Variants in TENM2 observed in about 807,000 individuals in gnomAD.
TENM2 encodes teneurin transmembrane protein 2.
Under a neutral mutation model 245.2 loss-of-function variants are expected in TENM2, and 52 were observed. That is an observed-to-expected ratio of 0.21 (90% CI 0.17 to 0.27). The LOEUF (loss-of-function observed/expected upper bound fraction) is 0.27, where lower values mean the gene tolerates loss of function less well. Among genes scored for constraint, TENM2 ranks in the 10% least tolerant of loss-of-function variants. The pLI is 1.00. For missense variants in TENM2, 3,046 were observed against 3,666.8 expected, an observed-to-expected ratio of 0.83 and a Z score of 4.37; for synonymous variants, 1,363 against 1,438.9, an observed-to-expected ratio of 0.95 and a Z score of 1.19.
intron 2 of TENM2, among the ~76,000 whole-genome samples, chr5:167,532,779 TATATACAC>T (rs1322397820): frequency 2.7e-5 from 4 of 146,750 alleles, no homozygotes; most frequent in South Asian, 4.4e-4. Flanking sequence ...TATACACATA[TATATACAC>T]ATATACACAT....
At chr5:167,251,672 AT>A in the TENM2 span, among the ~76,000 whole-genome samples, 1 of 152,168 alleles carries the variant, frequency 6.6e-6, no homozygotes, top group Non-Finnish European at 1.5e-5. Context: ...TTACTAAGAG[AT>A]GGAAGACATC....
At chr5:167,104,138 C>T in the TENM2 span, among the ~76,000 whole-genome samples, 3 of 151,714 alleles carry the variant, frequency 2.0e-5, no homozygotes, top group Admixed American at 6.6e-5. Context: ...TTTTCATACC[C>T]ACTCTGCCTA....
At chr5:167,751,322 A>G (rs969628283) in intron 2 of TENM2, among the ~76,000 whole-genome samples, 8 of 152,212 alleles carry the variant, frequency 5.3e-5, no homozygotes, top group Non-Finnish European at 1.0e-4. Context: ...TTTGCCTGCC[A>G]TGTGAATAAA....
At chr5:167,695,810 G>A (rs1193843661) in intron 2 of TENM2, among the ~76,000 whole-genome samples, 48 of 151,568 alleles carry the variant, frequency 3.2e-4, no homozygotes, top group Non-Finnish European at 6.6e-4. Flanking sequence ...CGAGGTGGGC[G>A]GATCACGAGG....
At chr5:167,367,146 A>G (rs552635625) in intron 1 of TENM2, among the ~76,000 whole-genome samples, 3 of 152,274 alleles carry the variant, frequency 2.0e-5, no homozygotes, top group South Asian at 4.1e-4. Context: ...AGGAAAACCT[A>G]GGATACTGGA....
chr5:167,133,282 G>A, the TENM2 span, among the ~76,000 whole-genome samples: 58,712 of 152,014 alleles, frequency 0.39, 12,400 homozygotes, highest in East Asian at 0.6. Flanking sequence ...CCGGGGAGCC[G>A]TGCCACACAG....
At chr5:167,583,666 A>G (rs529945639) in intron 2 of TENM2, among the ~76,000 whole-genome samples, 1 of 152,290 alleles carries the variant, frequency 6.6e-6, no homozygotes, top group South Asian at 2.1e-4. Context: ...ACAACGCATA[A>G]TCTAGCAATT....
the TENM2 span, among the ~76,000 whole-genome samples, chr5:166,995,789 T>C: frequency 8.7e-6 from 1 of 114,472 alleles, no homozygotes; most frequent in African/African-American, 3.5e-5. Context: ...CACTCCAGCC[T>C]GGGCGACAGG....
Position 167,299,295 on chromosome 5 carries a change from A to G in TENM2, c.226+14232A>G, listed in dbSNP as rs567553979. On this transcript the variant is annotated intron_variant, in intron 1 of 28. Coordinates refer to ENST00000518659, the Ensembl canonical transcript of TENM2. ...GGTGGGAAGGCTAAACTGAGGAATT[A>G]TGTCTGACAGAAGGAAAGAAATGAC... Among the ~76,000 whole-genome samples the G allele has an allele frequency of 9.8e-5, 15 of 152,314 alleles. No homozygotes were observed. The East Asian group carries it at 2.7e-3, about 28-fold the overall frequency.
chr5:167,082,746 C>T, the TENM2 span, among the ~76,000 whole-genome samples: 1 of 151,790 alleles, frequency 6.6e-6, no homozygotes, highest in African/African-American at 2.4e-5. Flanking sequence ...TTTTATTAGC[C>T]AATAGTTTCT....
intron 2 of TENM2, among the ~76,000 whole-genome samples, chr5:167,463,033 T>A (rs1001783160): frequency 9.2e-5 from 14 of 152,176 alleles, no homozygotes; most frequent in African/African-American, 3.1e-4. Flanking sequence ...TGGATGCTTT[T>A]TCTCCTTTTT....
intron 21 of TENM2, among the ~76,000 whole-genome samples, chr5:168,216,507 C>T (rs1351319756): frequency 1.3e-5 from 2 of 152,102 alleles, no homozygotes; most frequent in Non-Finnish European, 1.5e-5. Flanking sequence ...ATTTGCAGTC[C>T]AAGGAGCATG....
chr5:167,562,171 G>GCATC (rs1360284513), intron 2 of TENM2, among the ~76,000 whole-genome samples: 1 of 152,132 alleles, frequency 6.6e-6, no homozygotes, highest in Non-Finnish European at 1.5e-5. Context: ...GGCTGCGATG[G>GCATC]CATCCATCCA....
At chr5:167,801,104 AAAAAAATATATAT>A (rs1156408284) in intron 2 of TENM2, among the ~76,000 whole-genome samples, 7 of 64,112 alleles carry the variant, frequency 1.1e-4, no homozygotes, top group East Asian at 6.4e-4. Flanking sequence ...AGAAAAAAAA[AAAAAAATATATAT>A]ATATATATAT....
chr5:167,758,972 A>T (rs76017699), intron 2 of TENM2, among the ~76,000 whole-genome samples: 44 of 151,918 alleles, frequency 2.9e-4, no homozygotes, highest in Non-Finnish European at 4.4e-4. Context: ...TACTATGGAT[A>T]CCTTGATACT....
chr5:167,622,091 A>T (rs940011520), intron 2 of TENM2, among the ~76,000 whole-genome samples: 1 of 152,172 alleles, frequency 6.6e-6, no homozygotes, highest in Admixed American at 6.6e-5. Context: ...AAGTGTTTCA[A>T]TTTTTTACAT....
the TENM2 span, among the ~76,000 whole-genome samples, chr5:167,058,848 A>G: frequency 3.9e-5 from 6 of 152,322 alleles, no homozygotes; most frequent in African/African-American, 1.4e-4. Context: ...ATTTAAATCT[A>G]TATAATCTTC....
intron 1 of TENM2, among the ~76,000 whole-genome samples, chr5:167,318,247 G>A (rs549697413): frequency 3.3e-5 from 5 of 152,122 alleles, no homozygotes; most frequent in Admixed American, 2.0e-4. Flanking sequence ...GTTGGTAATG[G>A]GGCTCAGAGG....
intron 2 of TENM2, among the ~76,000 whole-genome samples, chr5:167,686,876 T>C (rs932786692): frequency 1.3e-5 from 2 of 152,164 alleles, no homozygotes; most frequent in African/African-American, 4.8e-5. Flanking sequence ...TTTCTTGCCA[T>C]TGAAGGTAAA....
Sources: allele counts gnomAD v4.1 joint callset (sites outside exome capture counted in the v4.1 genomes callset), GRCh38; gene constraint gnomAD v4.1.1; transcripts MANE v1.5; gene names NCBI Gene and HGNC (gene_info 2026-07-23, HGNC 2026-07-21).